BCR: variants seen among roughly 807,000 people sequenced by gnomAD.
The protein encoded by BCR is BCR activator of RhoGEF and GTPase, also known as breakpoint cluster region protein.
Under a neutral mutation model 138.6 loss-of-function variants are expected in BCR, and 58 were observed. The ratio of observed to expected loss-of-function variants is 0.42; its 90% confidence interval spans 0.34 to 0.52. BCR has a LOEUF of 0.52. Among genes scored for constraint, BCR ranks in the 20% least tolerant of loss-of-function variants. The pLI, the probability that BCR is intolerant of heterozygous loss-of-function variation, is 0.06. For synonymous variants in BCR, 786 were observed against 730.1 expected, an observed-to-expected ratio of 1.08 and a Z score of -1.23; for missense variants, 1,599 against 1,727.2, an observed-to-expected ratio of 0.93 and a Z score of 1.32.
At chr22:23,239,428 G>A (rs1439847166) in intron 1 of BCR, among the ~76,000 whole-genome samples, 1 of 152,190 alleles carries the variant, frequency 6.6e-6, no homozygotes, top group East Asian at 1.9e-4. Flanking sequence ...CGGATACATT[G>A]TGTGGCTGAA....
chr22:23,248,423 T>C (rs1355551150), intron 1 of BCR, among the ~76,000 whole-genome samples: 1 of 152,118 alleles, frequency 6.6e-6, no homozygotes, highest in Middle Eastern at 3.2e-3. Context: ...TAATTCTGTT[T>C]AATTTTTTGA....
chr22:23,254,344 C>G (rs959814094), intron 2 of BCR, among the ~76,000 whole-genome samples: 1 of 152,154 alleles, frequency 6.6e-6, no homozygotes, highest in African/African-American at 2.4e-5. Context: ...TTCTTGCTCC[C>G]TTTTACCAAA....
chr22:23,248,211 G>A (rs765831782), intron 1 of BCR, among the ~76,000 whole-genome samples: 80 of 152,242 alleles, frequency 5.3e-4, no homozygotes, highest in Non-Finnish European at 9.6e-4. Context: ...GGGTGTGGTG[G>A]CGCACGCTTG....
rs557093459 is a variant in BCR, at chr22:23,277,088, G to C, written c.2115+3314G>C. On this transcript the variant is annotated intron_variant, in intron 8 of 22. Coordinates refer to ENST00000305877, the MANE Select transcript of BCR (RefSeq NM_004327.4). The stretch of plus-strand genomic sequence containing the variant: ...CAGGAAAGGGGGGCAGAAGCTCCAG[G>C]CTACTTCCTCTTAGAATTTGCAGCC... Among the ~76,000 whole-genome samples, 8 of 152,354 alleles carry C rather than the reference G, an allele frequency of 5.3e-5. No homozygotes were observed. In the South Asian group the frequency reaches 1.7e-3, roughly 32 times the overall value.
At chr22:23,266,758 G>A (rs902562398) in intron 4 of BCR, among the ~76,000 whole-genome samples, 3 of 152,232 alleles carry the variant, frequency 2.0e-5, no homozygotes, top group African/African-American at 7.2e-5. Context: ...CACGTTCTGC[G>A]TAACAGCACC....
At chr22:23,289,106 A>G (rs1237467711) in intron 12 of BCR, among the ~76,000 whole-genome samples, 1 of 152,196 alleles carries the variant, frequency 6.6e-6, no homozygotes, top group Non-Finnish European at 1.5e-5. Flanking sequence ...CATTATGCCC[A>G]GAAATAAGCC....
chr22:23,246,279 T>A (rs1450524864), intron 1 of BCR, among the ~76,000 whole-genome samples: 3 of 151,778 alleles, frequency 2.0e-5, no homozygotes, highest in Non-Finnish European at 2.9e-5. Flanking sequence ...AAAAAAAAAA[T>A]TATTTTAGCT....
chr22:23,273,020 G>T, intron 6 of BCR, 61 bp from the exon 7 acceptor site: 1 of 1,579,404 alleles, frequency 6.3e-7, no homozygotes, highest in Non-Finnish European at 8.7e-7. Context: ...ACCGAGGGTG[G>T]TCAGGCAGCT....
At chr22:23,242,977 T>G (rs1490425974) in intron 1 of BCR, 1 of 442,910 alleles carries the variant, frequency 2.3e-6, no homozygotes, top group Non-Finnish European at 4.5e-6. Flanking sequence ...CGCCTTCAAA[T>G]GGCCTCCTGT....
chr22:23,225,996 G>A (rs1334454037), intron 1 of BCR, among the ~76,000 whole-genome samples: 3 of 152,222 alleles, frequency 2.0e-5, no homozygotes, highest in African/African-American at 7.2e-5. Context: ...ACAAACTCCT[G>A]GGCTTGGCAC....
In BCR at chr22:23,181,673, G is replaced by A. The variant is rs771481718; in HGVS notation, c.713G>A (p.Ser238Asn). 6.2e-6 allele frequency: 10 copies of A among 1,606,638 alleles called. No homozygotes were observed. In the South Asian group the frequency reaches 1.1e-4, roughly 18 times the overall value. Residue 238 changes from serine (S) to asparagine (N), a missense_variant, in exon 1 of 23, where the codon AGC becomes AAC. By Grantham distance (46) the Ser-to-Asn change is conservative. Around this residue, in one of 4 missense-constraint regions of BCR, gnomAD observed 806 missense variants for 635.0 expected, o/e 1.27. Coordinates refer to ENST00000305877, the MANE Select transcript of BCR (RefSeq NM_004327.4). ...RPPYRGRSSE[S>N]SCGVDGDYED... is the part of the protein sequence containing the mutation. ...CCTTACCGGGGACGCTCCTCGGAGA[G>A]CAGCTGCGGCGTCGACGGCGACTAC...
intron 16 of BCR, among the ~76,000 whole-genome samples, chr22:23,303,448 T>G (rs2073924395): frequency 6.6e-6 from 1 of 152,180 alleles, no homozygotes; most frequent in Non-Finnish European, 1.5e-5. Context: ...ATTCACCCAT[T>G]CAGGGGGGTC....
intron 1 of BCR, among the ~76,000 whole-genome samples, chr22:23,186,554 C>T (rs1421306163): frequency 6.6e-6 from 1 of 152,188 alleles, no homozygotes; most frequent in African/African-American, 2.4e-5. Context: ...CTCCCCATTC[C>T]CTGCCCCCAG....
At chr22:23,278,954 T>C (rs922973908) in intron 8 of BCR, among the ~76,000 whole-genome samples, 13 of 152,122 alleles carry the variant, frequency 8.5e-5, no homozygotes, top group African/African-American at 3.1e-4. Flanking sequence ...AAACAAAGCT[T>C]GGGTTCTCGG....
intron 1 of BCR, among the ~76,000 whole-genome samples, chr22:23,232,053 CTAA>C (rs2072965283): frequency 6.6e-6 from 1 of 152,220 alleles, no homozygotes; most frequent in Admixed American, 6.5e-5. Flanking sequence ...CATGTAGTAA[CTAA>C]TACCTTAGTG....
At chr22:23,213,229 C>G (rs1218733300) in intron 1 of BCR, among the ~76,000 whole-genome samples, 4 of 152,206 alleles carry the variant, frequency 2.6e-5, no homozygotes, top group Admixed American at 2.6e-4. Context: ...GCTTGGCTGT[C>G]CTTGGTTGGG....
intron 1 of BCR, among the ~76,000 whole-genome samples, chr22:23,206,953 C>G (rs2072622941): frequency 7.4e-6 from 1 of 134,700 alleles, no homozygotes; most frequent in African/African-American, 2.8e-5. Flanking sequence ...CTCCCTCCCT[C>G]CCTCCCTCCC....
rs1422082212 is a variant in BCR, at chr22:23,237,128, AG to A, written c.1280-16670del. On this transcript the variant is annotated intron_variant, in intron 1 of 22. Transcript: ENST00000305877. Reference sequence around the variant, plus strand: ...CGTGTCTGCAGTGGCATGGTGATATAGCCACGCCGCCCCTGTTTGTGAGTTG... The same window carrying A: ...CGTGTCTGCAGTGGCATGGTGATATACCACGCCGCCCCTGTTTGTGAGTTG... Among the ~76,000 whole-genome samples, 6 of 152,314 alleles carry A rather than the reference AG, an allele frequency of 3.9e-5. No homozygotes were observed. The East Asian group carries it at 1.2e-3, about 29-fold the overall frequency.
intron 16 of BCR, among the ~76,000 whole-genome samples, chr22:23,298,569 CTTCCTTTCCTTTTTCCTTT>C (rs1183345664): frequency 6.9e-6 from 1 of 145,814 alleles, no homozygotes; most frequent in Non-Finnish European, 1.5e-5. Flanking sequence ...TTCTTTCTTT[CTTCCTTTCCTTTTTCCTTT>C]TTCCTTTCCT....
Sources: allele counts gnomAD v4.1 joint callset (sites outside exome capture counted in the v4.1 genomes callset), GRCh38; gene constraint gnomAD v4.1.1; regional missense constraint gnomAD v4.1.1; transcripts MANE v1.5; gene names NCBI Gene and HGNC (gene_info 2026-07-23, HGNC 2026-07-21).